The following FOXL2NB variants were observed in gnomAD, a reference collection of about 807,000 sequenced individuals.
The protein encoded by FOXL2NB is FOXL2 neighbor.
In FOXL2NB, 10 loss-of-function variants were observed where a neutral mutation model predicts 7.4. The observed-to-expected ratio is 1.34, with a 90% confidence interval of 0.83 to 2.28. FOXL2NB has a LOEUF of 2.28. FOXL2NB is among the 30% of genes most tolerant of loss of function. The pLI is 0.00. For missense variants in FOXL2NB, 228 were observed against 233.9 expected, an observed-to-expected ratio of 0.97 and a Z score of 0.17; for synonymous variants, 104 against 105.3, an observed-to-expected ratio of 0.99 and a Z score of 0.08.
rs548433443 is a variant in FOXL2NB, at chr3:138,950,327, C to G, written c.283C>G (p.Leu95Val). 6.2e-7 allele frequency: 1 copy of G among 1,610,382 alleles called. No individual in the cohort carries two copies. Among genetic ancestry groups the G allele is most frequent in the Admixed American group, 1.7e-5 (1 of 58,978 alleles). ...PAPRASGGPA[L>V]LGKRRGCSEA... The stretch of plus-strand genomic sequence containing the variant: ...GCCTCGGGCTTCCGGCGGCCCAGCT[C>G]TACTAGGGAAGCGTCGCGGCTGCTC... The change falls in exon 3 of 3, where the codon CTA becomes GTA. Residue 95 changes from leucine to valine, a missense_variant. Physicochemically the swap from Leu to Val is conservative, Grantham distance 32 (BLOSUM62 1). Coordinates refer to ENST00000383165, the MANE Select transcript of FOXL2NB (RefSeq NM_001040061.3).
chr3:138,948,234 A>T (rs1576471326), intron 1 of FOXL2NB, among the ~76,000 whole-genome samples: 1 of 152,136 alleles, frequency 6.6e-6, no homozygotes, highest in Admixed American at 6.5e-5. Context: ...ACAGACTGGG[A>T]AGACAAACAT....
Position 138,950,332 on chromosome 3 carries a change from A to G in FOXL2NB, c.288A>G (p.Leu96=). ...APRASGGPAL[L]GKRRGCSEAG... is the part of the protein sequence containing the mutation. ...GGGCTTCCGGCGGCCCAGCTCTACT[A>G]GGGAAGCGTCGCGGCTGCTCTGAGG... The change falls in exon 3 of 3, where the codon CTA becomes CTG. Residue 96 remains leucine, a synonymous_variant. Coordinates refer to ENST00000383165, the MANE Select transcript of FOXL2NB (RefSeq NM_001040061.3). The G allele has an allele frequency of 6.2e-7, 1 of 1,610,380 alleles. No homozygotes were observed. Among genetic ancestry groups the G allele is most frequent in the Non-Finnish European group, 8.5e-7 (1 of 1,179,312 alleles).
intron 2 of FOXL2NB, 108 bp from the exon 3 acceptor site, chr3:138,950,157 G>A: frequency 3.4e-6 from 4 of 1,183,886 alleles, no homozygotes; most frequent in South Asian, 1.3e-5. Context: ...CCGATTGAGC[G>A]CAGTCTCAGC....
rs1002779155 is a variant in FOXL2NB at position 138,953,773 on chromosome 3, C to T, written c.*3201C>T. 6.6e-6 allele frequency among the ~76,000 whole-genome samples: 1 copy of T among 152,152 alleles called. No homozygotes were observed. Among genetic ancestry groups the T allele is most frequent in the African/African-American group, 2.4e-5 (1 of 41,422 alleles). Reference sequence around the variant, plus strand: ...ATAAATAACCTTTGCCTGCCTTGAGCCTCGTATAAATGGAGCATATAGCAT... The same window carrying T: ...ATAAATAACCTTTGCCTGCCTTGAGTCTCGTATAAATGGAGCATATAGCAT... On this transcript the variant is annotated 3_prime_UTR_variant, in exon 3 of 3. Transcript: ENST00000383165.
chr3:138,949,474 T>C lies in FOXL2NB; in HGVS notation c.101-46T>C, dbSNP rs1240116391. 1 of 1,609,152 alleles carries C rather than the reference T, an allele frequency of 6.2e-7. No individual in the cohort carries two copies. The highest frequency in any genetic ancestry group is 2.2e-5 in the East Asian group (1 of 44,726). ...GAAGGATTTTCAGAATAGAAAGGAG[T>C]TCTGCTCTGAAAATACTGATTTCTG... On this transcript the variant is annotated intron_variant, in intron 1 of 2. Transcript: ENST00000383165. This position sits in a 1 kb window ranked among gnomAD's most constrained non-coding sequence, Gnocchi z 4.5.
chr3:138,948,974 T>C (rs1275498335), intron 1 of FOXL2NB, among the ~76,000 whole-genome samples: 1 of 152,218 alleles, frequency 6.6e-6, no homozygotes, highest in Admixed American at 6.5e-5. Context: ...GAAGCAGCAC[T>C]TCCGCAGAAT....
Position 138,952,900 on chromosome 3 carries a change from T to A in FOXL2NB, c.*2328T>A, listed in dbSNP as rs1936159830. On this transcript the variant is annotated 3_prime_UTR_variant, in exon 3 of 3. Transcript: ENST00000383165. ...TTGCTTACATGGATAAGTTCTTTAA[T>A]GGTAATTTCTGAGATTTTGGTGCAC... 6.6e-6 allele frequency: 1 copy of A among 152,018 alleles called. No individual in the cohort carries two copies. Among genetic ancestry groups the A allele is most frequent in the Non-Finnish European group, 1.5e-5 (1 of 67,996 alleles). 9.4% of individuals were successfully genotyped at this position (152,018 alleles called of 1,614,324 possible).
rs563964263 is a variant in FOXL2NB, at chr3:138,949,380, G to A, written c.101-140G>A. On this transcript the variant is annotated intron_variant, in intron 1 of 2. Coordinates refer to ENST00000383165, the MANE Select transcript of FOXL2NB (RefSeq NM_001040061.3). This position sits in a 1 kb window ranked among gnomAD's most constrained non-coding sequence, Gnocchi z 4.5. ...TTCAGCCTTTAAAGAGCCTGTGTGTGTATGCATGTGCGTGTGTGTGTGTGT... is the reference window on the plus strand; with the variant it reads ...TTCAGCCTTTAAAGAGCCTGTGTGTATATGCATGTGCGTGTGTGTGTGTGT... 4 of 957,614 alleles carry A rather than the reference G, an allele frequency of 4.2e-6. No individual in the cohort carries two copies. Among genetic ancestry groups the A allele is most frequent in the Admixed American group, 4.9e-5 (2 of 41,034 alleles). The allele number at this position is 957,614 out of a possible 1,614,324, so 59.3% of individuals were successfully genotyped here.
chr3:138,950,724 C>A lies in FOXL2NB; in HGVS notation c.*152C>A. ...CACTTCTCTCTCCTTCTCCCTCTGT[C>A]AACTCCAAATCCCCTCTAGTTCTCC... On this transcript the variant is annotated 3_prime_UTR_variant, in exon 3 of 3. Transcript: ENST00000383165. The A allele has an allele frequency of 1.3e-6, 1 of 762,780 alleles. No individual in the cohort carries two copies. The highest frequency in any genetic ancestry group is 1.7e-5 in the South Asian group (1 of 58,856). The allele number at this position is 762,780 out of a possible 1,614,324, so 47.3% of individuals were successfully genotyped here. A position where few individuals can be genotyped will look rare whatever the true frequency, so the allele number is the denominator to read the frequency against.
At position 138,947,953 on chromosome 3, in the gene FOXL2NB, G is replaced by A; in HGVS notation, c.100+489G>A. ...TCACATATGGAAGTCATGGAGAGGA[G>A]CTGTCCTTGAGATGGGTGAGATACC... is the stretch of plus-strand genomic sequence containing the variant. On this transcript the variant is annotated intron_variant, in intron 1 of 2. Transcript: ENST00000383165. This position sits in a 1 kb window ranked among gnomAD's most constrained non-coding sequence, Gnocchi z 5.2. 2.0e-6 allele frequency: 2 copies of A among 986,506 alleles called. No individual in the cohort carries two copies. The highest frequency in any genetic ancestry group is 2.4e-6 in the Non-Finnish European group (2 of 830,738). 61.1% of individuals were successfully genotyped at this position (986,506 alleles called of 1,614,324 possible). A position where few individuals can be genotyped will look rare whatever the true frequency, so the allele number is the denominator to read the frequency against.
Position 138,949,207 on chromosome 3 carries a change from T to C in FOXL2NB, c.101-313T>C, listed in dbSNP as rs1936063246. On this transcript the variant is annotated intron_variant, in intron 1 of 2. Coordinates refer to ENST00000383165, the MANE Select transcript of FOXL2NB (RefSeq NM_001040061.3). This position sits in a 1 kb window ranked among gnomAD's most constrained non-coding sequence, Gnocchi z 4.5. ...TCTCCTTTTCTCTCCTTTTTTTTTT[T>C]CTTGACCACCCAGGCTGGCTCTCTG... Among the ~76,000 whole-genome samples the C allele has an allele frequency of 6.7e-6, 1 of 149,888 alleles. No homozygotes were observed. The highest frequency in any genetic ancestry group is 2.5e-5 in the African/African-American group (1 of 40,486).
rs772203197 is a variant in FOXL2NB at position 138,947,342 on chromosome 3, C to T, written c.-23C>T. On this transcript the variant is annotated 5_prime_UTR_variant, in exon 1 of 3. Transcript: ENST00000383165. The surrounding 1 kb of genome is among the most constrained non-coding windows in gnomAD (Gnocchi z 5.2). Reference sequence around the variant, plus strand: ...CGCGCCCTTGAAATCTGCCGGTACTCGCTCTGCGGGCTGGGCTGGGAGATG... The same window carrying T: ...CGCGCCCTTGAAATCTGCCGGTACTTGCTCTGCGGGCTGGGCTGGGAGATG... 111 of 1,536,600 alleles carry T rather than the reference C, an allele frequency of 7.2e-5. No homozygotes were observed. The highest frequency in any genetic ancestry group is 9.3e-5 in the Non-Finnish European group (106 of 1,137,690).
At position 138,947,438 on chromosome 3, in the gene FOXL2NB, C is replaced by G; in HGVS notation, c.74C>G (p.Ala25Gly). Residue 25 changes from alanine (A) to glycine (G), a missense_variant, in exon 1 of 3, where the codon GCG (alanine) becomes GGG (glycine). Physicochemically the swap from Ala to Gly is moderately conservative, Grantham distance 60. Transcript: ENST00000383165. This position sits in a 1 kb window ranked among gnomAD's most constrained non-coding sequence, Gnocchi z 5.2. ...AAGCTCGGGCCCCAGCGAGGAAAGG[C>G]GCTCCAAGCCTCCTCGCGGCTTTCA... ...PRKLGPQRGK[A>G]LQASSRLSES... The G allele has an allele frequency of 6.5e-7, 1 of 1,546,410 alleles. No homozygotes were observed. Among genetic ancestry groups the G allele is most frequent in the Non-Finnish European group, 8.7e-7 (1 of 1,143,976 alleles).
Position 138,951,867 on chromosome 3 carries a change from G to A in FOXL2NB, c.*1295G>A, listed in dbSNP as rs893479280. On this transcript the variant is annotated 3_prime_UTR_variant, in exon 3 of 3. Coordinates refer to ENST00000383165, the MANE Select transcript of FOXL2NB (RefSeq NM_001040061.3). ...CACTCAGTGCTCCCCACCAGGATGG[G>A]CTTAATGCCTTTTAATAGAATTAGA... 4.6e-5 allele frequency: 7 copies of A among 152,326 alleles called. No individual in the cohort carries two copies. The highest frequency in any genetic ancestry group is 1.7e-4 in the African/African-American group (7 of 41,564). The allele number at this position is 152,326 out of a possible 1,614,324, so 9.4% of individuals were successfully genotyped here.
In FOXL2NB at chr3:138,947,566, G is replaced by C. The variant is rs1936015721; in HGVS notation, c.100+102G>C. On this transcript the variant is annotated intron_variant, in intron 1 of 2. Transcript: ENST00000383165. This position sits in a 1 kb window ranked among gnomAD's most constrained non-coding sequence, Gnocchi z 5.2. ...GGCGAGACGGCGAGGGGGCTGGACG[G>C]GGTAGGGTGGGGAGAGCTGCTCTGA... 1.4e-6 allele frequency: 2 copies of C among 1,460,354 alleles called. No homozygotes were observed. Among genetic ancestry groups the C allele is most frequent in the African/African-American group, 1.4e-5 (1 of 69,572 alleles). 90.5% of individuals were successfully genotyped at this position (1,460,354 alleles called of 1,614,324 possible).
chr3:138,953,810 T>C lies in FOXL2NB; in HGVS notation c.*3238T>C, dbSNP rs1936179210. Among the ~76,000 whole-genome samples the C allele has an allele frequency of 1.3e-5, 2 of 152,260 alleles. No individual in the cohort carries two copies. Among genetic ancestry groups the C allele is most frequent in the South Asian group, 4.1e-4 (2 of 4,836 alleles). On this transcript the variant is annotated 3_prime_UTR_variant, in exon 3 of 3. Transcript: ENST00000383165. ...GGAGCATATAGCATGTATGCCTTTATGTCTAGTTTTTTCTGTGCAACATAT... is the reference window on the plus strand; with the variant it reads ...GGAGCATATAGCATGTATGCCTTTACGTCTAGTTTTTTCTGTGCAACATAT...
In FOXL2NB at chr3:138,953,316, T is replaced by C. The variant is rs774799307; in HGVS notation, c.*2744T>C. ...GGCGTGCGCCACTGCGCCTGGTCCA[T>C]TATGTCATTCTTATGCCTTTGCATC... On this transcript the variant is annotated 3_prime_UTR_variant, in exon 3 of 3. Coordinates refer to ENST00000383165, the MANE Select transcript of FOXL2NB (RefSeq NM_001040061.3). The C allele has an allele frequency of 1.3e-5, 2 of 152,266 alleles. No homozygotes were observed. The highest frequency in any genetic ancestry group is 2.9e-5 in the Non-Finnish European group (2 of 68,048). The allele number at this position is 152,266 out of a possible 1,614,324, so 9.4% of individuals were successfully genotyped here. A position where few individuals can be genotyped will look rare whatever the true frequency, so the allele number is the denominator to read the frequency against.
Position 138,949,463 on chromosome 3 carries a change from A to G in FOXL2NB, c.101-57A>G, listed in dbSNP as rs767995983. 6 of 1,606,692 alleles carry G rather than the reference A, an allele frequency of 3.7e-6. No homozygotes were observed. The highest frequency in any genetic ancestry group is 3.3e-5 in the South Asian group (3 of 90,248). On this transcript the variant is annotated intron_variant, in intron 1 of 2. Transcript: ENST00000383165. This position sits in a 1 kb window ranked among gnomAD's most constrained non-coding sequence, Gnocchi z 4.5. ...GGAGTTCCTCTGAAGGATTTTCAGA[A>G]TAGAAAGGAGTTCTGCTCTGAAAAT... is the stretch of plus-strand genomic sequence containing the variant.
In FOXL2NB at chr3:138,950,437, C is replaced by G. The variant is rs754127471; in HGVS notation, c.393C>G (p.Phe131Leu). The change falls in exon 3 of 3, where the codon TTC (phenylalanine) becomes TTG (leucine). Residue 131 changes from phenylalanine to leucine, a missense_variant. Physicochemically the swap from Phe to Leu is conservative, Grantham distance 22. Transcript: ENST00000383165. ...GCLNQVPLSP[F>L]LAGPRNTRRL... ...TGAACCAGGTTCCGCTGTCCCCTTT[C>G]CTAGCGGGACCCCGAAACACCCGGC... is the stretch of plus-strand genomic sequence containing the variant. The G allele has an allele frequency of 5.6e-6, 9 of 1,614,036 alleles. No individual in the cohort carries two copies. The highest frequency in any genetic ancestry group is 3.3e-5 in the South Asian group (3 of 91,084).
Sources: gnomAD v4.1 joint callset for allele counts (sites outside exome capture counted in the v4.1 genomes callset) on GRCh38, gnomAD v4.1.1 for gene constraint, Gnocchi (gnomAD v3.1) non-coding constraint, MANE v1.5 for transcripts, NCBI Gene and HGNC (gene_info 2026-07-23, HGNC 2026-07-21) for gene names.